The following ZFYVE9 variants were observed in gnomAD, a reference collection of about 807,000 sequenced individuals.
The protein encoded by ZFYVE9 is zinc finger FYVE-type containing 9.
In ZFYVE9, 43 loss-of-function variants were observed where a neutral mutation model predicts 126.7. That is an observed-to-expected ratio of 0.34 (90% confidence interval 0.27 to 0.44). ZFYVE9 has a LOEUF of 0.44. Among genes scored for constraint, ZFYVE9 ranks in the 20% least tolerant of loss-of-function variants. The probability of loss-of-function intolerance (pLI) is 1.00; values close to 1 mark genes in which losing one functional copy is unlikely to be tolerated. For synonymous variants in ZFYVE9, 521 were observed against 597.4 expected, an observed-to-expected ratio of 0.87 and a Z score of 1.87; for missense variants, 1,476 against 1,697.0, an observed-to-expected ratio of 0.87 and a Z score of 2.29.
At chr1:52,192,750 A>G (rs1158792521) in intron 1 of ZFYVE9, among the ~76,000 whole-genome samples, 2 of 152,224 alleles carry the variant, frequency 1.3e-5, no homozygotes, top group African/African-American at 2.4e-5. Flanking sequence ...AAAAATGGAC[A>G]AAGAATTTGA....
At position 52,293,445 on chromosome 1, in the gene ZFYVE9, G is replaced by C. The variant is rs1382020914; in HGVS notation, c.3026-8G>C. 6.9e-7 allele frequency: 1 copy of C among 1,456,992 alleles called. No homozygotes were observed. Among genetic ancestry groups the C allele is most frequent in the East Asian group, 2.5e-5 (1 of 39,754 alleles). 90.3% of individuals were successfully genotyped at this position (1,456,992 alleles called of 1,614,324 possible). On this transcript the variant is annotated splice_region_variant and splice_polypyrimidine_tract_variant and intron_variant, in intron 10 of 18. Coordinates refer to ENST00000287727, the MANE Select transcript of ZFYVE9 (RefSeq NM_004799.4). ...TACAAAGTAGCTAATAAACTTTTTT[G>C]TTTTTAGGGAATGTGGTGAGCAACT...
At chr1:52,147,435 T>C (rs1644315461) in intron 1 of ZFYVE9, among the ~76,000 whole-genome samples, 1 of 152,196 alleles carries the variant, frequency 6.6e-6, no homozygotes, top group African/African-American at 2.4e-5. Flanking sequence ...AGGCAACCGC[T>C]AATGTACTTT....
At chr1:52,260,298 A>G (rs754502252) in intron 4 of ZFYVE9, among the ~76,000 whole-genome samples, 3 of 151,892 alleles carry the variant, frequency 2.0e-5, no homozygotes, top group Non-Finnish European at 4.4e-5. Flanking sequence ...TCTGTTGGCC[A>G]TTTTATTTAT....
At chr1:52,174,212 C>A (rs1644601941) in intron 1 of ZFYVE9, among the ~76,000 whole-genome samples, 1 of 152,072 alleles carries the variant, frequency 6.6e-6, no homozygotes, top group Non-Finnish European at 1.5e-5. Context: ...TGTCTTTGTT[C>A]TTGTTGGTTT....
chr1:52,184,069 A>G (rs1459175247), intron 1 of ZFYVE9, among the ~76,000 whole-genome samples: 1 of 151,304 alleles, frequency 6.6e-6, no homozygotes, highest in African/African-American at 2.4e-5. Context: ...GACATCATGG[A>G]GTTATGTCAT....
intron 2 of ZFYVE9, among the ~76,000 whole-genome samples, chr1:52,224,025 C>G (rs1475447758): frequency 6.6e-6 from 1 of 152,106 alleles, no homozygotes; most frequent in Non-Finnish European, 1.5e-5. Context: ...GGTTTGAGTT[C>G]CTTTTTTAGA....
intron 1 of ZFYVE9, among the ~76,000 whole-genome samples, chr1:52,147,911 T>C (rs952248186): frequency 1.3e-4 from 19 of 151,856 alleles, no homozygotes; most frequent in African/African-American, 4.4e-4. Context: ...TCCTAATGAG[T>C]GTGAAGTGGT....
intron 1 of ZFYVE9, among the ~76,000 whole-genome samples, chr1:52,214,325 G>A (rs189214415): frequency 2.8e-4 from 42 of 152,202 alleles, no homozygotes; most frequent in Non-Finnish European, 5.3e-4. Flanking sequence ...TACTCAGGAG[G>A]CTGAGGCACG....
chr1:52,172,095 T>C (rs1318383188), intron 1 of ZFYVE9, among the ~76,000 whole-genome samples: 1 of 152,180 alleles, frequency 6.6e-6, no homozygotes, highest in Non-Finnish European at 1.5e-5. Flanking sequence ...TCCTGAATGG[T>C]AATGCCTAGG....
chr1:52,241,402 C>A (rs1282498767), intron 4 of ZFYVE9, among the ~76,000 whole-genome samples: 1 of 152,150 alleles, frequency 6.6e-6, no homozygotes, highest in African/African-American at 2.4e-5. Flanking sequence ...TTCTTGTTAG[C>A]TGAAGTACTA....
At chr1:52,303,457 G>A (rs1346531257) in intron 12 of ZFYVE9, among the ~76,000 whole-genome samples, 1 of 152,140 alleles carries the variant, frequency 6.6e-6, no homozygotes, top group African/African-American at 2.4e-5. Context: ...CAGGCGTTAA[G>A]GATATAGCAA....
chr1:52,330,576 T>G (rs559556790), intron 13 of ZFYVE9, among the ~76,000 whole-genome samples: 2 of 152,334 alleles, frequency 1.3e-5, no homozygotes, highest in South Asian at 2.1e-4. Flanking sequence ...AAAACTGTCA[T>G]GCATGGGTGG....
chr1:52,238,771 A>T lies in ZFYVE9; in HGVS notation c.1354A>T (p.Thr452Ser), dbSNP rs754840304. 6.2e-7 allele frequency: 1 copy of T among 1,614,100 alleles called. No individual in the cohort carries two copies. Among genetic ancestry groups the T allele is most frequent in the East Asian group, 2.2e-5 (1 of 44,880 alleles). The change falls in exon 4 of 19, where the codon ACT becomes TCT. Residue 452 changes from threonine to serine, a missense_variant. Around this residue, in one of 2 missense-constraint regions of ZFYVE9, gnomAD observed 807 missense variants for 794.6 expected, o/e 1.02. Coordinates refer to ENST00000287727, the MANE Select transcript of ZFYVE9 (RefSeq NM_004799.4). ...AGATGCAGGTCTAGATTTAAAAGGA[A>T]CTTGCATTAGTGAAAGTGAAGAATG... Reference protein sequence around the residue: ...LADAGLDLKGTCISESEECDF... With the variant: ...LADAGLDLKGSCISESEECDF...
At chr1:52,154,342 T>G (rs1322895541) in intron 1 of ZFYVE9, among the ~76,000 whole-genome samples, 1 of 152,212 alleles carries the variant, frequency 6.6e-6, no homozygotes, top group Non-Finnish European at 1.5e-5. Context: ...GGCTTGGTGT[T>G]GGTCTTTGTT....
At chr1:52,237,463 A>G (rs968737064) in intron 3 of ZFYVE9, 25 bp from the exon 4 acceptor site, 3 of 1,560,444 alleles carry the variant, frequency 1.9e-6, no homozygotes, top group African/African-American at 1.4e-5. Context: ...AAGCAAACTT[A>G]TTGTAATTAC....
chr1:52,272,609 G>A lies in ZFYVE9; in HGVS notation c.2626-1855G>A, dbSNP rs1331785023. The stretch of plus-strand genomic sequence containing the variant: ...TCATTTATGTTATGTTCTCCTGTTA[G>A]TGGCCATTCAAATTGTTTCCAGTTT... On this transcript the variant is annotated intron_variant, in intron 7 of 18. Coordinates refer to ENST00000287727, the MANE Select transcript of ZFYVE9 (RefSeq NM_004799.4). 2.0e-5 allele frequency among the ~76,000 whole-genome samples: 3 copies of A among 151,222 alleles called. No individual in the cohort carries two copies. In the South Asian group the frequency reaches 6.2e-4, roughly 31 times the overall value.
At chr1:52,167,216 C>G (rs1203916945) in intron 1 of ZFYVE9, among the ~76,000 whole-genome samples, 1 of 152,182 alleles carries the variant, frequency 6.6e-6, no homozygotes. Flanking sequence ...CATTACATAG[C>G]TCACCTTCTG....
chr1:52,335,671 T>C (rs992441153), intron 15 of ZFYVE9, among the ~76,000 whole-genome samples: 4 of 152,018 alleles, frequency 2.6e-5, no homozygotes, highest in Non-Finnish European at 4.4e-5. Flanking sequence ...ACTCTGGTGT[T>C]GGAAAAAGGG....
intron 4 of ZFYVE9, among the ~76,000 whole-genome samples, chr1:52,250,384 A>G (rs961595443): frequency 1.3e-5 from 2 of 152,062 alleles, no homozygotes; most frequent in Admixed American, 1.3e-4. Context: ...GCTATTGTAA[A>G]TGGAATTGTT....
Sources: allele counts gnomAD v4.1 joint callset (sites outside exome capture counted in the v4.1 genomes callset), GRCh38; gene constraint gnomAD v4.1.1; regional missense constraint gnomAD v4.1.1; transcripts MANE v1.5; gene names NCBI Gene and HGNC (gene_info 2026-07-23, HGNC 2026-07-21).